The following MYO3B variants were observed in gnomAD, a reference collection of about 807,000 sequenced individuals.
MYO3B encodes myosin IIIB.
A neutral mutation model predicts 174.6 loss-of-function variants in MYO3B; 156 were observed. The observed-to-expected ratio is 0.89, with a 90% CI of 0.78 to 1.02. MYO3B has a LOEUF of 1.02. Among genes scored for constraint, MYO3B ranks in the 50% least tolerant of loss-of-function variants. The pLI is 0.00. For synonymous variants in MYO3B, 563 were observed against 569.1 expected, an observed-to-expected ratio of 0.99 and a Z score of 0.15; for missense variants, 1,632 against 1,639.4, an observed-to-expected ratio of 1.00 and a Z score of 0.08.
chr2:170,404,313 G>A lies in MYO3B; in HGVS notation c.2344G>A (p.Asp782Asn), dbSNP rs749847050. ...VEYEDNRPLL[D>N]MFLQKPLGLL... is the part of the protein sequence containing the mutation. The stretch of plus-strand genomic sequence containing the variant: ...ATATGAGGACAACCGCCCGCTCTTG[G>A]ACATGTTCCTCCAGAAACCCCTGGG... Residue 782 changes from aspartate (D) to asparagine (N), a missense_variant, in exon 20 of 35, where the codon GAC becomes AAC. Asp to Asn is a conservative substitution (Grantham distance 23, BLOSUM62 1). Transcript: ENST00000408978. The A allele has an allele frequency of 1.2e-6, 2 of 1,613,842 alleles. No individual in the cohort carries two copies. The highest frequency in any genetic ancestry group is 3.3e-5 in the Admixed American group (2 of 59,982).
intron 7 of MYO3B, among the ~76,000 whole-genome samples, chr2:170,285,372 CTTT>C (rs35061330): frequency 1.4e-5 from 2 of 144,464 alleles, no homozygotes; most frequent in Non-Finnish European, 1.5e-5. Flanking sequence ...AGTCTGTGAC[CTTT>C]TTTTTTTTTG....
chr2:170,216,825 G>A lies in MYO3B; in HGVS notation c.527-494G>A, dbSNP rs1458423769. ...ATATAATAGGATGATATTTTGGATT[G>A]ATCCTAGTTGTTGATATTTTTCTTT... On this transcript the variant is annotated intron_variant, in intron 5 of 34. Transcript: ENST00000408978. Among the ~76,000 whole-genome samples the A allele has an allele frequency of 2.0e-5, 3 of 152,018 alleles. No homozygotes were observed. In the East Asian group the frequency reaches 5.8e-4, roughly 29 times the overall value.
At chr2:170,194,209 C>A (rs138037003) in intron 1 of MYO3B, among the ~76,000 whole-genome samples, 1 of 151,956 alleles carries the variant, frequency 6.6e-6, no homozygotes, top group Non-Finnish European at 1.5e-5. Flanking sequence ...TTTTTCCCTT[C>A]GAAACTTTGT....
intron 22 of MYO3B, among the ~76,000 whole-genome samples, chr2:170,431,335 C>T (rs1186416189): frequency 6.6e-6 from 1 of 152,186 alleles, no homozygotes; most frequent in East Asian, 1.9e-4. Flanking sequence ...CAGAGCAACT[C>T]CACTATTGAC....
At chr2:170,254,034 G>A (rs972335419) in intron 7 of MYO3B, among the ~76,000 whole-genome samples, 2 of 152,124 alleles carry the variant, frequency 1.3e-5, no homozygotes, top group Non-Finnish European at 2.9e-5. Context: ...GATAAGAGAG[G>A]TGATGCAGAC....
intron 34 of MYO3B, 113 bp from the exon 35 acceptor site, chr2:170,652,870 A>G: frequency 1.7e-6 from 2 of 1,162,032 alleles, no homozygotes; most frequent in Non-Finnish European, 2.5e-6. Flanking sequence ...CTTCCCCTCC[A>G]GTGTTGGAGC....
chr2:170,369,140 C>A, intron 8 of MYO3B, 82 bp from the exon 9 acceptor site: 1 of 1,297,426 alleles, frequency 7.7e-7, no homozygotes, highest in Non-Finnish European at 1.1e-6. Context: ...TGAGCTTTTA[C>A]CTTCTCTCCA....
intron 32 of MYO3B, among the ~76,000 whole-genome samples, chr2:170,551,769 T>C (rs1690938890): frequency 6.6e-6 from 1 of 152,164 alleles, no homozygotes; most frequent in Non-Finnish European, 1.5e-5. Context: ...CCCACCCAAA[T>C]CTCATGTTGA....
chr2:170,378,132 A>G (rs1351590988), intron 9 of MYO3B, among the ~76,000 whole-genome samples: 1 of 152,222 alleles, frequency 6.6e-6, no homozygotes, highest in Non-Finnish European at 1.5e-5. Context: ...ATAGAGAAAT[A>G]TAAAACAACG....
chr2:170,608,020 A>G (rs1419833722), intron 32 of MYO3B, among the ~76,000 whole-genome samples: 1 of 152,194 alleles, frequency 6.6e-6, no homozygotes, highest in Admixed American at 6.5e-5. Flanking sequence ...TTTTAAGGAT[A>G]CCTATAGACA....
intron 30 of MYO3B, among the ~76,000 whole-genome samples, chr2:170,526,627 TA>T (rs1435603607): frequency 6.6e-6 from 1 of 152,200 alleles, no homozygotes; most frequent in African/African-American, 2.4e-5. Flanking sequence ...CCTCAAATAA[TA>T]ACATTCAGAG....
rs1246487524 is a variant in MYO3B, at chr2:170,622,865, T to G, written c.3734-28763T>G. 2.0e-5 allele frequency among the ~76,000 whole-genome samples: 3 copies of G among 152,130 alleles called. No individual in the cohort carries two copies. In the East Asian group the frequency reaches 5.8e-4, roughly 29 times the overall value. The stretch of plus-strand genomic sequence containing the variant: ...GTGAGGGTTTGCTCAGAATGATGGT[T>G]TCCAGCTTCATCCATGTCCCTACAA... On this transcript the variant is annotated intron_variant, in intron 32 of 34. Transcript: ENST00000408978.
At chr2:170,520,500 TACAC>T (rs933807402) in intron 30 of MYO3B, among the ~76,000 whole-genome samples, 4 of 151,388 alleles carry the variant, frequency 2.6e-5, no homozygotes, top group Non-Finnish European at 4.4e-5. Context: ...CACACATATA[TACAC>T]ACACACACAT....
At chr2:170,187,026 G>C (rs146523287) in intron 1 of MYO3B, among the ~76,000 whole-genome samples, 1,499 of 148,414 alleles carry the variant, frequency 0.01, 14 homozygotes, top group Middle Eastern at 0.041. Flanking sequence ...TTTAAGTCTG[G>C]CTAAAGGTTT....
intron 7 of MYO3B, among the ~76,000 whole-genome samples, chr2:170,288,132 G>A (rs1220589319): frequency 1.3e-5 from 2 of 152,002 alleles, no homozygotes; most frequent in East Asian, 3.8e-4. Flanking sequence ...TAGATTTGTA[G>A]TAAATTTTGA....
intron 30 of MYO3B, among the ~76,000 whole-genome samples, chr2:170,521,886 A>G (rs1688689767): frequency 6.6e-6 from 1 of 152,076 alleles, no homozygotes; most frequent in African/African-American, 2.4e-5. Context: ...CCCTAAAACT[A>G]TTCTTGGGAA....
intron 8 of MYO3B, among the ~76,000 whole-genome samples, 170 bp downstream of exon 8, chr2:170,335,620 AAAGT>A (rs1233655710): frequency 1.3e-5 from 2 of 152,202 alleles, no homozygotes; most frequent in African/African-American, 4.8e-5. Context: ...CAAGATGTGA[AAAGT>A]AAGGCGTTCC....
chr2:170,589,873 A>G (rs993244294), intron 32 of MYO3B, among the ~76,000 whole-genome samples: 1 of 152,180 alleles, frequency 6.6e-6, no homozygotes, highest in African/African-American at 2.4e-5. Flanking sequence ...TGTAAGCATC[A>G]TTTATGTCAA....
chr2:170,379,338 G>A (rs1449286977), intron 9 of MYO3B, among the ~76,000 whole-genome samples: 1 of 152,068 alleles, frequency 6.6e-6, no homozygotes, highest in African/African-American at 2.4e-5. Flanking sequence ...GGGGCTACAG[G>A]CGTGCACCAC....
Sources: gnomAD v4.1 joint callset for allele counts (sites outside exome capture counted in the v4.1 genomes callset) on GRCh38, gnomAD v4.1.1 for gene constraint, MANE v1.5 for transcripts, NCBI Gene and HGNC (gene_info 2026-07-23, HGNC 2026-07-21) for gene names.